The following RIF1 variants were observed in gnomAD, a reference collection of about 807,000 sequenced individuals.
RIF1 encodes telomere-associated protein RIF1.
A neutral mutation model predicts 247.1 loss-of-function variants in RIF1; 45 were observed. The ratio of observed to expected loss-of-function variants is 0.18; its 90% CI spans 0.14 to 0.23. The LOEUF is 0.23. RIF1 is among the 10% of genes least tolerant of loss of function. RIF1 has a pLI of 1.00. For synonymous variants in RIF1, 1,087 were observed against 978.8 expected (o/e 1.11, Z -2.06); for missense variants, 2,967 against 2,862.5 (o/e 1.04, Z -0.83).
chr2:151,415,126 T>C (rs941931057), intron 4 of RIF1, among the ~76,000 whole-genome samples: 115 of 152,016 alleles, frequency 7.6e-4, no homozygotes, highest in African/African-American at 2.7e-3. Context: ...GGCGGGTGGA[T>C]CATGAGGTCA....
rs143042080 is a variant in RIF1 at position 151,464,325 on chromosome 2, A to T, written c.4805A>T (p.His1602Leu). The part of the protein sequence containing the change: ...QECIKAENQS[H>L]DYKATSEEDV... ...TGTATAAAAGCTGAAAATCAGTCAC[A>T]TGATTATAAAGCAACTTCTGAAGAA... Residue 1602 changes from histidine (H) to leucine (L), a missense_variant, in exon 30 of 36, where the codon CAT becomes CTT. By Grantham distance (99) the His-to-Leu change is moderately conservative. Transcript: ENST00000444746. The T allele has an allele frequency of 6.2e-7, 1 of 1,611,050 alleles. No homozygotes were observed.
At chr2:151,414,593 A>G (rs554097618) in intron 3 of RIF1, among the ~76,000 whole-genome samples, 1 of 152,178 alleles carries the variant, frequency 6.6e-6, no homozygotes, top group Non-Finnish European at 1.5e-5. Flanking sequence ...GATATCCTTT[A>G]TCTTCATTCA....
Position 151,464,612 on chromosome 2 carries a change from T to A in RIF1, c.5092T>A (p.Ser1698Thr). 1.9e-6 allele frequency: 3 copies of A among 1,613,714 alleles called. No individual in the cohort carries two copies. Among genetic ancestry groups the A allele is most frequent in the Non-Finnish European group, 1.7e-6 (2 of 1,179,794 alleles). The change falls in exon 30 of 36, where the codon TCA becomes ACA. Residue 1698 changes from serine to threonine, a missense_variant. Transcript: ENST00000444746. ...SFDNCSLGES[S>T]KIGISDISSL... is the part of the protein sequence containing the mutation. ...TGATAATTGTAGTTTGGGAGAATCCTCAAAAATAGGGATATCAGATATTTC... is the reference window on the plus strand; with the variant it reads ...TGATAATTGTAGTTTGGGAGAATCCACAAAAATAGGGATATCAGATATTTC...
chr2:151,507,227 GT>G (rs2069870543), intron 13 of RIF1: 1 of 481,392 alleles, frequency 2.1e-6, no homozygotes, highest in African/African-American at 2.0e-5. Flanking sequence ...GTTTGTTTTT[GT>G]TTAAGTATCC....
At chr2:151,434,284 C>G (rs1425263079) in intron 10 of RIF1, among the ~76,000 whole-genome samples, 6 of 151,972 alleles carry the variant, frequency 3.9e-5, no homozygotes, top group Non-Finnish European at 7.4e-5. Context: ...TAACCAATGA[C>G]TGAATCCTAT....
In RIF1 at chr2:151,455,141, T is replaced by C. The variant is rs373893207; in HGVS notation, c.2591T>C (p.Leu864Ser). The C allele has an allele frequency of 1.9e-4, 312 of 1,609,974 alleles. No homozygotes were observed. Among genetic ancestry groups the C allele is most frequent in the Non-Finnish European group, 2.6e-4 (301 of 1,178,228 alleles). The change falls in exon 22 of 36, where the codon TTA becomes TCA. Residue 864 changes from leucine to serine, a missense_variant. This residue lies in a region of RIF1 where 2,028 missense variants were observed against 1,825.6 expected (regional missense o/e 1.11). Transcript: ENST00000444746. ...IFATLTRPLA[L>S]FYENSKLDEV... ...GCAACTTTAACAAGACCTCTGGCAT[T>C]ATTTTATGAAAACTCAAAGTAAGTA...
chr2:151,514,931 A>C, the RIF1 span: 1 of 1,534,252 alleles, frequency 6.5e-7, no homozygotes, highest in East Asian at 2.4e-5. Context: ...TATTCTTTCT[A>C]ATGTAAGTAG....
In RIF1 at chr2:151,464,920, CAAAG is replaced by C; in HGVS notation, c.5402_5405del (p.Lys1801ArgfsTer10). The C allele has an allele frequency of 6.3e-7, 1 of 1,577,642 alleles. No homozygotes were observed. ...ATAGTGTGAATTTTCATTTGGGTCT[CAAAG>C]AGGATAATGATACTATTAATGATTC... On this transcript the variant is annotated frameshift_variant, in exon 30 of 36. Transcript: ENST00000444746. LOFTEE classifies it high-confidence loss of function.
intron 20 of RIF1, among the ~76,000 whole-genome samples, chr2:151,447,293 T>C (rs16830040): frequency 0.019 from 2,858 of 152,368 alleles, 112 homozygotes; most frequent in African/African-American, 0.066. Context: ...CAGATTGATA[T>C]GCGTCATTCC....
At chr2:151,492,352 G>T (rs1237689001) in intron 9 of RIF1, 5 of 1,588,788 alleles carry the variant, frequency 3.1e-6, no homozygotes, top group Non-Finnish European at 4.3e-6. Context: ...CATTCTGACA[G>T]GCAGCCAGCC....
At chr2:151,513,538 A>G in the RIF1 span, 16,405 of 1,424,300 alleles carry the variant, frequency 0.012, 766 homozygotes, top group East Asian at 0.14. Flanking sequence ...TTAAAGTTAC[A>G]ACTACTTTCC....
intron 6 of RIF1, among the ~76,000 whole-genome samples, chr2:151,419,246 G>A (rs1687752570): frequency 6.6e-6 from 1 of 151,798 alleles, no homozygotes; most frequent in South Asian, 2.1e-4. Context: ...AAAAATTATA[G>A]TGTAGGAGTA....
chr2:151,516,648 G>A, the RIF1 span: 23 of 882,590 alleles, frequency 2.6e-5, no homozygotes, highest in Middle Eastern at 6.7e-4. Context: ...TAATTGATAT[G>A]TTCTGTCAAT....
the RIF1 span, chr2:151,513,513 G>T: frequency 8.9e-7 from 1 of 1,127,746 alleles, no homozygotes; most frequent in Non-Finnish European, 1.3e-6. Context: ...GATGACAGAG[G>T]GACACTTTAT....
chr2:151,519,792 A>G, the RIF1 span: 112 of 1,465,786 alleles, frequency 7.6e-5, no homozygotes, highest in South Asian at 1.1e-3. Context: ...CAAACATCCA[A>G]ATTATTCCTG....
rs371578399 is a variant in RIF1, at chr2:151,420,091, T to G, written c.504-99T>G. ...ATATTTGTATATATTCTAAAACAAATGGGCCGTACTGTGTATATTTCTGTT... is the reference window on the plus strand; with the variant it reads ...ATATTTGTATATATTCTAAAACAAAGGGGCCGTACTGTGTATATTTCTGTT... On this transcript the variant is annotated intron_variant, in intron 6 of 35. Coordinates refer to ENST00000444746, the MANE Select transcript of RIF1 (RefSeq NM_018151.5). 2.9e-5 allele frequency: 27 copies of G among 920,030 alleles called. No individual in the cohort carries two copies. The East Asian group carries it at 3.0e-4, about 10-fold the overall frequency. The allele number at this position is 920,030 out of a possible 1,614,324, so 57.0% of individuals were successfully genotyped here.
intron 10 of RIF1, chr2:151,498,110 A>G: frequency 6.6e-7 from 1 of 1,503,958 alleles, no homozygotes; most frequent in Non-Finnish European, 8.9e-7. Context: ...CATTAACTGT[A>G]TTATAGAAAT....
intron 12 of RIF1, chr2:151,503,511 G>T: frequency 1.0e-6 from 1 of 974,824 alleles, no homozygotes; most frequent in South Asian, 1.4e-5. Flanking sequence ...AGCCACATGT[G>T]GGCTATTTGG....
chr2:151,516,457 A>G, the RIF1 span: 2 of 1,602,092 alleles, frequency 1.2e-6, no homozygotes, highest in Non-Finnish European at 1.7e-6. Context: ...TTTTTGACTT[A>G]CCCCACTCTG....
Sources: gnomAD v4.1 joint callset for allele counts (sites outside exome capture counted in the v4.1 genomes callset) on GRCh38, gnomAD v4.1.1 for gene constraint, gnomAD v4.1.1 regional missense constraint, MANE v1.5 for transcripts, NCBI Gene and HGNC (gene_info 2026-07-23, HGNC 2026-07-21) for gene names.